KLRG1: variants seen among roughly 807,000 people sequenced by gnomAD.
KLRG1 encodes killer cell lectin like receptor G1, also known as killer cell lectin-like receptor subfamily G member 1.
Under a neutral mutation model 21.8 loss-of-function variants are expected in KLRG1, and 16 were observed. That is an observed-to-expected ratio of 0.73 (90% CI 0.50 to 1.11). The LOEUF (loss-of-function observed/expected upper bound fraction) is 1.11. Ranked by LOEUF, KLRG1 falls within the 50% of genes most tolerant of loss-of-function variation. The pLI is 0.00. For synonymous variants in KLRG1, 69 were observed against 75.9 expected, an observed-to-expected ratio of 0.91 and a Z score of 0.47; for missense variants, 173 against 218.3, an observed-to-expected ratio of 0.79 and a Z score of 1.31.
chr12:9,014,434 G>T (rs1251221834), downstream of KLRG1, among the ~76,000 whole-genome samples: 2 of 152,134 alleles, frequency 1.3e-5, no homozygotes, highest in Non-Finnish European at 2.9e-5. Flanking sequence ...AACCTTACAG[G>T]TCAGGAGAGA....
the KLRG1 span, among the ~76,000 whole-genome samples, chr12:9,214,347 A>G: frequency 6.6e-6 from 1 of 152,020 alleles, no homozygotes; most frequent in Non-Finnish European, 1.5e-5. Context: ...GAATCTAAGA[A>G]TCAGTCTGTC....
chr12:8,986,733 C>G (rs1410688618), upstream of KLRG1, among the ~76,000 whole-genome samples: 1 of 152,062 alleles, frequency 6.6e-6, no homozygotes, highest in African/African-American at 2.4e-5. Context: ...ATCTGCATCC[C>G]CACCCAAATC....
At chr12:9,147,721 A>T in the KLRG1 span, among the ~76,000 whole-genome samples, 10 of 152,126 alleles carry the variant, frequency 6.6e-5, no homozygotes, top group Non-Finnish European at 1.3e-4. Context: ...TTACTGTGTT[A>T]TGGCTCCACT....
the KLRG1 span, chr12:9,076,889 CT>C: frequency 3.7e-6 from 6 of 1,610,882 alleles, no homozygotes; most frequent in African/African-American, 6.7e-5. Flanking sequence ...CTTGTGCTGT[CT>C]TCCAGGCTGA....
the KLRG1 span, among the ~76,000 whole-genome samples, chr12:9,038,076 C>G: frequency 6.6e-6 from 1 of 152,110 alleles, no homozygotes; most frequent in African/African-American, 2.4e-5. Context: ...CTGGGCAGCA[C>G]AGTGGGAACC....
chr12:9,202,930 C>G, the KLRG1 span, among the ~76,000 whole-genome samples: 2 of 152,194 alleles, frequency 1.3e-5, no homozygotes, highest in African/African-American at 2.4e-5. Flanking sequence ...AAATTAGATG[C>G]CTTTTAACTG....
intron 1 of KLRG1, among the ~76,000 whole-genome samples, chr12:8,956,353 T>A (rs1299018614): frequency 6.6e-6 from 1 of 152,202 alleles, no homozygotes; most frequent in East Asian, 1.9e-4. Context: ...ATGAATGAAC[T>A]GTAACACAAA....
chr12:9,072,718 A>C, the KLRG1 span: 1 of 1,614,154 alleles, frequency 6.2e-7, no homozygotes, highest in Non-Finnish European at 8.5e-7. Flanking sequence ...TCTGGCAATG[A>C]GACCTGCTGC....
chr12:9,067,742 C>T, the KLRG1 span: 2 of 1,303,348 alleles, frequency 1.5e-6, no homozygotes, highest in East Asian at 4.7e-5. Flanking sequence ...TTCATCAAGT[C>T]TTTAAAGATA....
At chr12:9,134,794 A>C in the KLRG1 span, among the ~76,000 whole-genome samples, 479 of 152,256 alleles carry the variant, frequency 3.1e-3, 2 homozygotes, top group African/African-American at 0.011. Flanking sequence ...AACTGTTGGG[A>C]TCTTCAGAGG....
At chr12:9,093,662 A>T in the KLRG1 span, 1 of 749,432 alleles carries the variant, frequency 1.3e-6, no homozygotes, top group Non-Finnish European at 2.0e-6. Flanking sequence ...ACCAAAAAAA[A>T]AAAACAAAAA....
the KLRG1 span, chr12:9,182,048 A>T: frequency 6.2e-7 from 1 of 1,613,788 alleles, no homozygotes; most frequent in Admixed American, 1.7e-5. Context: ...TAAAATGGCA[A>T]AGATGAACAT....
chr12:9,112,612 C>G, the KLRG1 span: 1 of 1,526,018 alleles, frequency 6.6e-7, no homozygotes, highest in Non-Finnish European at 9.0e-7. Flanking sequence ...TGCACTCTTC[C>G]CTGGAGATCT....
chr12:9,133,850 A>C, the KLRG1 span, among the ~76,000 whole-genome samples: 5 of 152,232 alleles, frequency 3.3e-5, no homozygotes, highest in African/African-American at 9.6e-5. Context: ...TGTAGAAATG[A>C]ATGAAGAAAA....
chr12:9,197,646 A>AT, the KLRG1 span, among the ~76,000 whole-genome samples: 7 of 99,906 alleles, frequency 7.0e-5, 1 homozygote, highest in Admixed American at 5.8e-4. Flanking sequence ...ATTATATTAT[A>AT]TAATATAATA....
chr12:9,091,482 T>C, the KLRG1 span: 3 of 1,568,780 alleles, frequency 1.9e-6, no homozygotes, highest in East Asian at 2.2e-5. Context: ...ATACATCCTT[T>C]CTAGGGAGAG....
At chr12:9,046,877 C>T in the KLRG1 span, among the ~76,000 whole-genome samples, 54 of 152,124 alleles carry the variant, frequency 3.5e-4, no homozygotes, top group African/African-American at 1.2e-3. Flanking sequence ...TTTTATGAGA[C>T]GGAGTCTTAC....
At chr12:9,185,795 T>TTTTC in the KLRG1 span, among the ~76,000 whole-genome samples, 1 of 146,236 alleles carries the variant, frequency 6.8e-6, no homozygotes, top group East Asian at 2.0e-4. Flanking sequence ...TCAACATTTC[T>TTTTC]TTTCTTTTCT....
chr12:9,059,997 T>TTTC, the KLRG1 span, among the ~76,000 whole-genome samples: 502 of 56,006 alleles, frequency 9.0e-3, 30 homozygotes, highest in African/African-American at 0.043. Context: ...CCCTGGCATC[T>TTTC]TTTTTTTTTT....
Sources: allele counts gnomAD v4.1 joint callset (sites outside exome capture counted in the v4.1 genomes callset), GRCh38; gene constraint gnomAD v4.1.1; transcripts MANE v1.5; gene names NCBI Gene and HGNC (gene_info 2026-07-23, HGNC 2026-07-21).